TTN: variants seen among roughly 807,000 people sequenced by gnomAD.
TTN encodes the protein titin.
TTN carries 1,525 observed loss-of-function variants against 3,223.0 expected under a neutral mutation model. That is an observed-to-expected ratio of 0.47 (90% CI 0.45 to 0.49). The LOEUF (loss-of-function observed/expected upper bound fraction) is 0.49, where lower values mean the gene tolerates loss of function less well. Among genes scored for constraint, TTN ranks in the 20% least tolerant of loss-of-function variants. TTN has a pLI of 0.00. For synonymous variants in TTN, 14,094 were observed against 15,161.0 expected (o/e 0.93, Z 5.17); for missense variants, 40,786 against 43,424.0 (o/e 0.94, Z 5.40).
rs774519095 is a variant in TTN at position 178,773,375 on chromosome 2, GA to G, written c.7595-7del. The G allele has an allele frequency of 1.5e-5, 25 of 1,613,822 alleles. No individual in the cohort carries two copies. The highest frequency in any genetic ancestry group is 2.7e-5 in the African/African-American group (2 of 74,974). ...ACCTCTGATAATTTTAATTTCTGGG[GA>G]AAAAATAAAATAATCTCTTGGTTAT... On this transcript the variant is annotated splice_polypyrimidine_tract_variant and splice_region_variant and intron_variant, in intron 32 of 362. Coordinates refer to ENST00000589042, the MANE Select transcript of TTN (RefSeq NM_001267550.2).
chr2:178,613,679 C>A, intron 263 of TTN, 72 bp downstream of exon 263: 1 of 1,456,064 alleles, frequency 6.9e-7, no homozygotes, highest in Admixed American at 2.2e-5. Flanking sequence ...ATCTGTAATC[C>A]CAAGGAATAC....
chr2:178,553,828 AAAAT>A, intron 333 of TTN, 21 bp from the exon 334 acceptor site: 1 of 1,568,164 alleles, frequency 6.4e-7, no homozygotes, highest in Non-Finnish European at 8.6e-7. Flanking sequence ...CATTCACAAT[AAAAT>A]AATTACACAA....
intron 60 of TTN, 32 bp from the exon 61 acceptor site, chr2:178,730,824 A>C: frequency 6.5e-7 from 1 of 1,543,458 alleles, no homozygotes; most frequent in Non-Finnish European, 8.7e-7. Context: ...AACAACAAAA[A>C]AAGGTCAATC....
At chr2:178,592,718 C>T (rs2050490636) in intron 300 of TTN, 57 bp downstream of exon 300, 5 of 1,611,976 alleles carry the variant, frequency 3.1e-6, no homozygotes, top group Non-Finnish European at 4.2e-6. Flanking sequence ...TACAATTAAA[C>T]ACATACAATC....
chr2:178,559,158 G>T (rs189088852), intron 326 of TTN, among the ~76,000 whole-genome samples, 153 bp downstream of exon 326: 13 of 152,150 alleles, frequency 8.5e-5, no homozygotes, highest in Admixed American at 8.5e-4. Flanking sequence ...CTTCACTAGA[G>T]ATTCCATTTT....
intron 16 of TTN, 80 bp downstream of exon 16, chr2:178,783,990 C>G: frequency 1.0e-5 from 16 of 1,603,448 alleles, no homozygotes; most frequent in Non-Finnish European, 1.4e-5. Context: ...CCACTGGCTA[C>G]TTTTCAGTAC....
Position 178,572,175 on chromosome 2 carries a change from C to T in TTN, c.73957G>A (p.Val24653Met). The T allele has an allele frequency of 6.2e-7, 1 of 1,613,454 alleles. No homozygotes were observed. Among genetic ancestry groups the T allele is most frequent in the Non-Finnish European group, 8.5e-7 (1 of 1,179,626 alleles). Residue 24653 changes from valine to methionine, a missense_variant, in exon 326 of 363, where the codon GTG becomes ATG. By Grantham distance (21) the Val-to-Met change is conservative. Transcript: ENST00000589042. ...TCACTGCCTTTGGTCTGCATCTCCA[C>T]AATGTAGCCTAGAATTCGGCTGCCT... Reference protein sequence around the residue: ...DGGSRILGYIVEMQTKGSDKW... With the variant: ...DGGSRILGYIMEMQTKGSDKW...
chr2:178,534,898 G>C lies in TTN; in HGVS notation c.101717C>G (p.Thr33906Arg). ...TCTTTCATTAAGTTCAAAAGCACTT[G>C]TGTTAATGCGCTCAAATATGTCAAG... ...SGLDIFERIN[T>R]SAFELNEREI... is the part of the protein sequence containing the mutation. The change falls in exon 358 of 363, where the codon ACA becomes AGA. Residue 33906 changes from threonine to arginine, a missense_variant. Thr to Arg is a moderately conservative substitution (Grantham distance 71). Coordinates refer to ENST00000589042, the MANE Select transcript of TTN (RefSeq NM_001267550.2). 2.5e-6 allele frequency: 4 copies of C among 1,609,526 alleles called. No homozygotes were observed. The highest frequency in any genetic ancestry group is 3.4e-6 in the Non-Finnish European group (4 of 1,179,796).
rs999459217 is a variant in TTN at position 178,664,052 on chromosome 2, C to G, written c.36327G>C (p.Val12109=). 1 of 1,612,998 alleles carries G rather than the reference C, an allele frequency of 6.2e-7. No homozygotes were observed. The highest frequency in any genetic ancestry group is 1.3e-5 in the African/African-American group (1 of 74,838). The stretch of plus-strand genomic sequence containing the variant: ...GGACTTCAGGCTTTTTAGGAGGCAC[C>G]ACCGACACTTTCTTTTCAGGGATAA... ...KEIIPEKKVS[V]VPPKKPEVPP... is the part of the protein sequence containing the mutation. The change falls in exon 169 of 363, where the codon GTG becomes GTC. Residue 12109 remains valine (V), a synonymous_variant. Coordinates refer to ENST00000589042, the MANE Select transcript of TTN (RefSeq NM_001267550.2).
Position 178,622,666 on chromosome 2 carries a change from A to G in TTN, c.44913+4T>C. 1 of 1,600,924 alleles carries G rather than the reference A, an allele frequency of 6.2e-7. No homozygotes were observed. Among genetic ancestry groups the G allele is most frequent in the Non-Finnish European group, 8.5e-7 (1 of 1,172,778 alleles). ...TACAAGATGACAGGTATACAGTCAC[A>G]GACCTTAGCATTTTCTCGGGAAAGT... On this transcript the variant is annotated splice_donor_region_variant and intron_variant, in intron 243 of 362. Coordinates refer to ENST00000589042, the MANE Select transcript of TTN (RefSeq NM_001267550.2).
rs794729258 is a variant in TTN, at chr2:178,634,567, G to A, written c.42214C>T (p.Arg14072Ter). Residue 14072 changes from arginine (R) to a stop codon, truncating the protein, a stop_gained, in exon 230 of 363, where the codon CGA (arginine) becomes TGA (stop). Transcript: ENST00000589042. LOFTEE classifies it high-confidence loss of function. The surrounding 1 kb of genome is among the most constrained non-coding windows in gnomAD (Gnocchi z 4.6). ...DVTVPERRQA[R>*]FECVLTREAN... Reference sequence around the variant, plus strand: ...TCTCGGGTGAGGACACATTCGAATCGAGCCTGTCGCCTTTCTGGAACAGTG... The same window carrying A: ...TCTCGGGTGAGGACACATTCGAATCAAGCCTGTCGCCTTTCTGGAACAGTG... 4.3e-6 allele frequency: 7 copies of A among 1,613,118 alleles called. No individual in the cohort carries two copies. Among genetic ancestry groups the A allele is most frequent in the Non-Finnish European group, 5.9e-6 (7 of 1,179,504 alleles).
At position 178,612,522 on chromosome 2, in the gene TTN, G is replaced by A; in HGVS notation, c.50003C>T (p.Ala16668Val). ...CTCAGGAACTGTCCATTTTAGGTCT[G>A]CTGTATTTTTTGTGATATTAATAAC... ...LEVINITKNT[A>V]DLKWTVPEKD... The change falls in exon 266 of 363, where the codon GCA (alanine) becomes GTA (valine). Residue 16668 changes from alanine (A) to valine (V), a missense_variant. By Grantham distance (64) the Ala-to-Val change is moderately conservative. Coordinates refer to ENST00000589042, the MANE Select transcript of TTN (RefSeq NM_001267550.2). 6.2e-7 allele frequency: 1 copy of A among 1,611,852 alleles called. No homozygotes were observed. The highest frequency in any genetic ancestry group is 8.5e-7 in the Non-Finnish European group (1 of 1,179,086).
At chr2:178,745,436 A>G (rs10497519) in intron 47 of TTN, 2 of 1,461,224 alleles carry the variant, frequency 1.4e-6, no homozygotes, top group Non-Finnish European at 1.8e-6. Flanking sequence ...TGAGATTTCT[A>G]CATAGAGATT....
chr2:178,665,065 T>C (rs1361936871), intron 165 of TTN, 139 bp from the exon 166 acceptor site: 1 of 1,066,374 alleles, frequency 9.4e-7, no homozygotes, highest in African/African-American at 1.6e-5. Flanking sequence ...GCTAAGTCTT[T>C]TAAGGGGTTA....
At position 178,538,720 on chromosome 2, in the gene TTN, A is replaced by G; in HGVS notation, c.99109T>C (p.Tyr33037His). Residue 33037 changes from tyrosine to histidine, a missense_variant, in exon 354 of 363, where the codon TAT becomes CAT. Tyr to His is a moderately conservative substitution (Grantham distance 83). Coordinates refer to ENST00000589042, the MANE Select transcript of TTN (RefSeq NM_001267550.2). ...CAGGCACTGTCTCCAGACTGTCTAT[A>G]TTCAACCCAGTATCCAAGAATTTCT... ...GKEILGYWVE[Y>H]RQSGDSAWKK... 1.2e-6 allele frequency: 2 copies of G among 1,613,784 alleles called. No individual in the cohort carries two copies. The highest frequency in any genetic ancestry group is 1.7e-6 in the Non-Finnish European group (2 of 1,179,752).
In TTN at chr2:178,769,801, A is replaced by G. The variant is rs2091198989; in HGVS notation, c.8780T>C (p.Phe2927Ser). 1.2e-6 allele frequency: 2 copies of G among 1,613,984 alleles called. No individual in the cohort carries two copies. The highest frequency in any genetic ancestry group is 3.3e-5 in the Admixed American group (2 of 59,996). Residue 2927 changes from phenylalanine (F) to serine (S), a missense_variant, in exon 37 of 363, where the codon TTC becomes TCC. Transcript: ENST00000589042. ...GAGTTTTCCCTGCACAACTATCTTGAACTTTTCACTCATCTCAATTTCCAC... is the reference window on the plus strand; with the variant it reads ...GAGTTTTCCCTGCACAACTATCTTGGACTTTTCACTCATCTCAATTTCCAC... Reference protein sequence around the residue: ...NGVEIEMSEKFKIVVQGKLHQ... With the variant: ...NGVEIEMSEKSKIVVQGKLHQ...
Position 178,784,218 on chromosome 2 carries a change from G to A in TTN, c.2627C>T (p.Thr876Ile). 6.2e-7 allele frequency: 1 copy of A among 1,614,170 alleles called. No individual in the cohort carries two copies. Residue 876 changes from threonine (T) to isoleucine (I), a missense_variant, in exon 16 of 363, where the codon ACA becomes ATA. Transcript: ENST00000589042. ...AGCGAAGGGGAACTGTGGCAAGGGT[G>A]TGGGCTCTGCCCTTACTCTAGTCTC... is the stretch of plus-strand genomic sequence containing the variant. ...PSETRVRAEP[T>I]PLPQFPFADT...
At position 178,574,083 on chromosome 2, in the gene TTN, C is replaced by G. The variant is rs1459331119; in HGVS notation, c.72049G>C (p.Ala24017Pro). Reference protein sequence around the residue: ...AISPPSEPSDAITCRDDVEAP... With the variant: ...AISPPSEPSDPITCRDDVEAP... Reference sequence around the variant, plus strand: ...TCAACATCATCCCTGCAAGTGATAGCATCAGATGGCTCAGATGGTGGACTG... The same window carrying G: ...TCAACATCATCCCTGCAAGTGATAGGATCAGATGGCTCAGATGGTGGACTG... Residue 24017 changes from alanine to proline, a missense_variant, in exon 326 of 363, where the codon GCT (alanine) becomes CCT (proline). Physicochemically the swap from Ala to Pro is conservative, Grantham distance 27. Transcript: ENST00000589042. 6.2e-7 allele frequency: 1 copy of G among 1,613,306 alleles called. No homozygotes were observed. Among genetic ancestry groups the G allele is most frequent in the East Asian group, 2.2e-5 (1 of 44,798 alleles).
rs1275885460 is a variant in TTN at position 178,729,041 on chromosome 2, C to A, written c.18997G>T (p.Asp6333Tyr). Residue 6333 changes from aspartate to tyrosine, a missense_variant, in exon 65 of 363, where the codon GAT becomes TAT. Transcript: ENST00000589042. ...GAAATATAGACATTATCATCTTCAT[C>A]AAGAATCTGATCATCCTTTAGCCAG... is the stretch of plus-strand genomic sequence containing the variant. ...ITWLKDDQIL[D>Y]EDDNVYISFV... The A allele has an allele frequency of 6.2e-7, 1 of 1,612,824 alleles. No individual in the cohort carries two copies. Among genetic ancestry groups the A allele is most frequent in the Admixed American group, 1.7e-5 (1 of 59,858 alleles).
Sources: allele counts gnomAD v4.1 joint callset (sites outside exome capture counted in the v4.1 genomes callset), GRCh38; gene constraint gnomAD v4.1.1; non-coding constraint Gnocchi (gnomAD v3.1); transcripts MANE v1.5; gene names NCBI Gene and HGNC (gene_info 2026-07-23, HGNC 2026-07-21).